The following MRPS28 variants were observed in gnomAD, a reference collection of about 807,000 sequenced individuals.
MRPS28 encodes the protein small ribosomal subunit protein bS1m.
In MRPS28, 7 loss-of-function variants were observed where a neutral mutation model predicts 10.8. The ratio of observed to expected loss-of-function variants is 0.65; its 90% confidence interval spans 0.37 to 1.22. MRPS28 has a LOEUF of 1.22. MRPS28 is among the 50% of genes most tolerant of loss of function. The pLI is 0.02. For synonymous variants in MRPS28, 121 were observed against 93.3 expected, an observed-to-expected ratio of 1.30 and a Z score of -1.71; for missense variants, 265 against 232.9, an observed-to-expected ratio of 1.14 and a Z score of -0.90.
intron 2 of MRPS28, among the ~76,000 whole-genome samples, chr8:79,979,314 A>C (rs181232934): frequency 1.3e-5 from 2 of 152,186 alleles, no homozygotes; most frequent in East Asian, 1.9e-4. Flanking sequence ...AGGTGACACA[A>C]GAGTTATATT....
rs140535426 is a variant in MRPS28, at chr8:80,010,589, A to G, written c.214-7409T>C. 7.1e-4 allele frequency among the ~76,000 whole-genome samples: 108 copies of G among 152,344 alleles called. No homozygotes were observed. The East Asian group carries it at 0.02, about 28-fold the overall frequency. ...TTTTTAATGTTTTAATTTTCCAAGAAAAGCCAGAAATCCACATATTAATGT... is the reference window on the plus strand; with the variant it reads ...TTTTTAATGTTTTAATTTTCCAAGAGAAGCCAGAAATCCACATATTAATGT... On this transcript the variant is annotated intron_variant, in intron 1 of 2. Transcript: ENST00000276585.
At chr8:79,997,826 G>A (rs192573412) in intron 2 of MRPS28, among the ~76,000 whole-genome samples, 74 of 152,092 alleles carry the variant, frequency 4.9e-4, no homozygotes, top group Middle Eastern at 3.4e-3. Flanking sequence ...AGGCTGAGAC[G>A]GGCGGATCAC....
At chr8:79,925,988 A>C (rs889905564) in intron 2 of MRPS28, among the ~76,000 whole-genome samples, 3 of 151,560 alleles carry the variant, frequency 2.0e-5, no homozygotes, top group African/African-American at 7.3e-5. Context: ...CCCTGTAGAG[A>C]AAAGAAAAGA....
In MRPS28 at chr8:80,011,809, T is replaced by G. The variant is rs144516976; in HGVS notation, c.214-8629A>C. ...AACAAAACAAAAAACCAGATGACAC[T>G]AAGATACAGTAGTAGCAGATCCAGT... On this transcript the variant is annotated intron_variant, in intron 1 of 2. Coordinates refer to ENST00000276585, the MANE Select transcript of MRPS28 (RefSeq NM_014018.3). Among the ~76,000 whole-genome samples the G allele has an allele frequency of 6.4e-3, 974 of 152,084 alleles. 6 individuals are homozygous for G. The highest frequency in any genetic ancestry group is 0.022 in the African/African-American group (906 of 41,498).
intron 2 of MRPS28, among the ~76,000 whole-genome samples, chr8:79,943,176 C>T (rs1458537240): frequency 6.6e-6 from 1 of 152,182 alleles, no homozygotes; most frequent in Non-Finnish European, 1.5e-5. Flanking sequence ...AAGACAGCTG[C>T]CTTGCCTGTC....
At chr8:80,000,875 T>C (rs1808643524) in intron 2 of MRPS28, among the ~76,000 whole-genome samples, 1 of 152,182 alleles carries the variant, frequency 6.6e-6, no homozygotes. Flanking sequence ...TCTGAATATA[T>C]TATGTTCAAG....
chr8:79,999,789 A>G (rs1808609832), intron 2 of MRPS28, among the ~76,000 whole-genome samples: 2 of 152,208 alleles, frequency 1.3e-5, no homozygotes, highest in African/African-American at 4.8e-5. Context: ...TAGAAATAAC[A>G]TTATCAGTCT....
chr8:80,012,550 T>C (rs564419869), intron 1 of MRPS28, among the ~76,000 whole-genome samples: 57 of 152,334 alleles, frequency 3.7e-4, no homozygotes, highest in African/African-American at 1.3e-3. Context: ...ATATGTATCA[T>C]AGAGCTCAGT....
intron 2 of MRPS28, among the ~76,000 whole-genome samples, chr8:79,987,100 A>G (rs992357697): frequency 6.6e-6 from 1 of 152,300 alleles, no homozygotes; most frequent in East Asian, 1.9e-4. Flanking sequence ...GGAACAGAAC[A>G]GAGCCCTCAG....
intron 2 of MRPS28, among the ~76,000 whole-genome samples, chr8:79,983,659 G>C (rs1300715649): frequency 6.6e-6 from 1 of 152,166 alleles, no homozygotes; most frequent in African/African-American, 2.4e-5. Flanking sequence ...CGATCAACTG[G>C]AAGAAAGGGT....
At position 80,030,046 on chromosome 8, in the gene MRPS28, G is replaced by T; in HGVS notation, c.203C>A (p.Pro68His). ...CCGCCCGGGCTCCACCTTCTGTAGGGGCTCCACCTTCTGTAGAAGCTCCGA... is the reference window on the plus strand; with the variant it reads ...CCGCCCGGGCTCCACCTTCTGTAGGTGCTCCACCTTCTGTAGAAGCTCCGA... ...RHSELLQKVE[P>H]LQKGSPKNVE... Residue 68 changes from proline (P) to histidine (H), a missense_variant, in exon 1 of 3, where the codon CCC becomes CAC. Pro to His is a moderately conservative substitution (Grantham distance 77, BLOSUM62 -2). Transcript: ENST00000276585. 6.2e-7 allele frequency: 1 copy of T among 1,613,362 alleles called. No individual in the cohort carries two copies. Among genetic ancestry groups the T allele is most frequent in the East Asian group, 2.2e-5 (1 of 44,846 alleles).
rs529142113 is a variant in MRPS28, at chr8:79,992,945, TCAA to T, written c.395+10051_395+10053del. On this transcript the variant is annotated intron_variant, in intron 2 of 2. Coordinates refer to ENST00000276585, the MANE Select transcript of MRPS28 (RefSeq NM_014018.3). ...TAACAAAGTACCTAGCATAGAGTAT[TCAA>T]CAAATGTTAGCTATTATTGTTCTTA... Among the ~76,000 whole-genome samples, 69 of 152,318 alleles carry T rather than the reference TCAA, an allele frequency of 4.5e-4. No homozygotes were observed. The East Asian group carries it at 0.013, about 29-fold the overall frequency.
intron 1 of MRPS28, among the ~76,000 whole-genome samples, chr8:80,012,345 T>C (rs1354380487): frequency 1.3e-5 from 2 of 152,208 alleles, no homozygotes; most frequent in Non-Finnish European, 2.9e-5. Flanking sequence ...TCTAGAACCA[T>C]CTCTGAATCC....
intron 2 of MRPS28, among the ~76,000 whole-genome samples, chr8:79,974,692 A>C (rs1200569693): frequency 6.6e-6 from 1 of 152,118 alleles, no homozygotes; most frequent in East Asian, 1.9e-4. Flanking sequence ...CCAATAAATT[A>C]TGATGTGCAG....
intron 2 of MRPS28, among the ~76,000 whole-genome samples, chr8:79,961,408 TC>T (rs1444385132): frequency 6.6e-6 from 1 of 152,152 alleles, no homozygotes; most frequent in Non-Finnish European, 1.5e-5. Context: ...GATGCAATTT[TC>T]TATGGACCAA....
At chr8:80,028,329 G>C (rs531274699) in intron 1 of MRPS28, among the ~76,000 whole-genome samples, 5 of 152,002 alleles carry the variant, frequency 3.3e-5, no homozygotes, top group Non-Finnish European at 5.9e-5. Flanking sequence ...TGAACTCTAT[G>C]TTTCCAACCT....
At chr8:80,014,205 C>T (rs548918069) in intron 1 of MRPS28, among the ~76,000 whole-genome samples, 143 of 152,250 alleles carry the variant, frequency 9.4e-4, no homozygotes, top group African/African-American at 3.2e-3. Flanking sequence ...CTAAAAACAA[C>T]AGAGGCAGGG....
intron 1 of MRPS28, among the ~76,000 whole-genome samples, chr8:80,019,147 G>T (rs1809284408): frequency 6.6e-6 from 1 of 151,748 alleles, no homozygotes; most frequent in Admixed American, 6.6e-5. Context: ...GCACAACAGG[G>T]TGATAAGCAA....
intron 1 of MRPS28, among the ~76,000 whole-genome samples, chr8:80,010,511 G>A (rs1809010374): frequency 6.6e-6 from 1 of 152,230 alleles, no homozygotes; most frequent in Admixed American, 6.5e-5. Context: ...TTTAAAAGGT[G>A]TAGACACTAC....
Sources: allele counts gnomAD v4.1 joint callset (sites outside exome capture counted in the v4.1 genomes callset), GRCh38; gene constraint gnomAD v4.1.1; transcripts MANE v1.5; gene names NCBI Gene and HGNC (gene_info 2026-07-23, HGNC 2026-07-21).